Variants in GLIS1 observed in about 807,000 individuals in gnomAD.
GLIS1 encodes zinc finger protein GLIS1.
Under a neutral mutation model 63.8 loss-of-function variants are expected in GLIS1, and 24 were observed. The observed-to-expected ratio is 0.38, with a 90% CI of 0.27 to 0.53. The LOEUF is 0.53. Among genes scored for constraint, GLIS1 ranks in the 20% least tolerant of loss-of-function variants. The pLI, the probability that GLIS1 is intolerant of heterozygous loss-of-function variation, is 0.85. For missense variants in GLIS1, 1,036 were observed against 1,074.1 expected (o/e 0.96, Z 0.50); for synonymous variants, 450 against 482.5 (o/e 0.93, Z 0.88).
At chr1:53,589,059 CT>C (rs1645163489) in intron 4 of GLIS1, among the ~76,000 whole-genome samples, 1 of 152,224 alleles carries the variant, frequency 6.6e-6, no homozygotes, top group Non-Finnish European at 1.5e-5. Context: ...CCTCCTGCCA[CT>C]TGGCAGACTG....
chr1:53,686,677 GTCCAAGA>G (rs1646340163), intron 2 of GLIS1, among the ~76,000 whole-genome samples: 1 of 152,162 alleles, frequency 6.6e-6, no homozygotes, highest in African/African-American at 2.4e-5. Flanking sequence ...ACAGGAAGGA[GTCCAAGA>G]GGGAGCATCT....
intron 7 of GLIS1, among the ~76,000 whole-genome samples, chr1:53,516,398 GGGACGGCAA>G (rs1181514150): frequency 6.6e-6 from 1 of 152,170 alleles, no homozygotes; most frequent in East Asian, 1.9e-4. Flanking sequence ...GGCTGTGGCA[GGGACGGCAA>G]GCTCAGTGCC....
At position 53,506,381 on chromosome 1, in the gene GLIS1, G is replaced by C. The variant is rs562624029; in HGVS notation, c.*238C>G. 2.0e-6 allele frequency: 1 copy of C among 507,590 alleles called. No individual in the cohort carries two copies. The highest frequency in any genetic ancestry group is 3.3e-5 in the Admixed American group (1 of 30,414). 31.4% of individuals were successfully genotyped at this position (507,590 alleles called of 1,614,324 possible). A position where few individuals can be genotyped will look rare whatever the true frequency, so the allele number is the denominator to read the frequency against. On this transcript the variant is annotated 3_prime_UTR_variant, in exon 11 of 11. Coordinates refer to ENST00000628545, the MANE Select transcript of GLIS1 (RefSeq NM_001367484.1). Reference sequence around the variant, plus strand: ...CGGGGAGGAACGGGAAGACAAGATCGAGGGAATGTTACAGGGCCACAGATC... The same window carrying C: ...CGGGGAGGAACGGGAAGACAAGATCCAGGGAATGTTACAGGGCCACAGATC...
intron 2 of GLIS1, among the ~76,000 whole-genome samples, chr1:53,648,053 G>A (rs60128190): frequency 0.018 from 2,668 of 151,994 alleles, 66 homozygotes; most frequent in African/African-American, 0.06. Context: ...GTGCACCTGT[G>A]GTCCCAGCTA....
chr1:53,673,687 A>G (rs1437343415), intron 2 of GLIS1, among the ~76,000 whole-genome samples: 2 of 152,262 alleles, frequency 1.3e-5, no homozygotes, highest in African/African-American at 4.8e-5. Flanking sequence ...GAACAGATGG[A>G]TAGAAAAACA....
chr1:53,726,130 C>T (rs945314910), intron 2 of GLIS1, among the ~76,000 whole-genome samples: 2 of 152,156 alleles, frequency 1.3e-5, no homozygotes, highest in Admixed American at 6.5e-5. Flanking sequence ...GAAGGAAGGA[C>T]GGGTTAATTC....
At chr1:53,521,741 C>A (rs566602852) in intron 6 of GLIS1, among the ~76,000 whole-genome samples, 6 of 152,360 alleles carry the variant, frequency 3.9e-5, no homozygotes, top group Non-Finnish European at 8.8e-5. Flanking sequence ...CCAAGCAAAT[C>A]TTTGGCCAAC....
intron 4 of GLIS1, among the ~76,000 whole-genome samples, chr1:53,538,146 C>T (rs1004943914): frequency 2.6e-5 from 4 of 152,220 alleles, no homozygotes; most frequent in Non-Finnish European, 5.9e-5. Flanking sequence ...GAGTTTGGGG[C>T]TTCGCCAGTC....
At chr1:53,683,247 G>C (rs757943811) in intron 2 of GLIS1, among the ~76,000 whole-genome samples, 5 of 152,182 alleles carry the variant, frequency 3.3e-5, no homozygotes, top group Non-Finnish European at 5.9e-5. Flanking sequence ...CCAATGGCCA[G>C]GTGCTCATCC....
chr1:53,524,684 G>C, intron 6 of GLIS1, 93 bp downstream of exon 6: 1 of 828,902 alleles, frequency 1.2e-6, no homozygotes, highest in Non-Finnish European at 2.1e-6. Context: ...GCGAGTGGGT[G>C]GGCAGATGCA....
chr1:53,514,872 G>A (rs1213431986), intron 7 of GLIS1, 91 bp from the exon 8 acceptor site: 1 of 1,397,344 alleles, frequency 7.2e-7, no homozygotes, highest in East Asian at 2.5e-5. Context: ...TGATGATGGA[G>A]AAATAAAGAC....
chr1:53,736,576 A>G (rs1444240890), intron 2 of GLIS1, among the ~76,000 whole-genome samples: 1 of 152,170 alleles, frequency 6.6e-6, no homozygotes, highest in Non-Finnish European at 1.5e-5. Flanking sequence ...TATTCCAGCA[A>G]TAACACTCAG....
rs542226938 is a variant in GLIS1, at chr1:53,553,899, G to A, written c.1321-23947C>T. On this transcript the variant is annotated intron_variant, in intron 4 of 10. Coordinates refer to ENST00000628545, the MANE Select transcript of GLIS1 (RefSeq NM_001367484.1). ...CCAGGGGCTCTGGAGAGGTGGGGGT[G>A]CTGCAGCTCAGACAGTGTGCCTTGC... Among the ~76,000 whole-genome samples, 68 of 152,326 alleles carry A rather than the reference G, an allele frequency of 4.5e-4. 2 individuals are homozygous for A. In the South Asian group the frequency reaches 0.014, roughly 31 times the overall value.
At chr1:53,578,138 A>G (rs758935089) in intron 4 of GLIS1, among the ~76,000 whole-genome samples, 1 of 152,218 alleles carries the variant, frequency 6.6e-6, no homozygotes, top group Non-Finnish European at 1.5e-5. Context: ...GGACTGCATC[A>G]GTCTCAAGTA....
At chr1:53,736,609 ACTGTAT>A (rs1286386674) in intron 2 of GLIS1, among the ~76,000 whole-genome samples, 1 of 152,100 alleles carries the variant, frequency 6.6e-6, no homozygotes, top group Non-Finnish European at 1.5e-5. Context: ...GCCCCTCCCC[ACTGTAT>A]CTGTCCTTCT....
chr1:53,731,310 T>C (rs898396874), intron 2 of GLIS1, among the ~76,000 whole-genome samples: 1 of 152,206 alleles, frequency 6.6e-6, no homozygotes, highest in African/African-American at 2.4e-5. Context: ...AGAGGAGCAG[T>C]GCCCTACGGA....
chr1:53,546,864 C>A (rs1352647765), intron 4 of GLIS1, among the ~76,000 whole-genome samples: 2 of 152,200 alleles, frequency 1.3e-5, no homozygotes, highest in East Asian at 3.9e-4. Context: ...GCCCTGGGGT[C>A]CCCCACCATG....
At chr1:53,579,019 T>C (rs1008861955) in intron 4 of GLIS1, among the ~76,000 whole-genome samples, 3 of 149,408 alleles carry the variant, frequency 2.0e-5, no homozygotes, top group Non-Finnish European at 2.9e-5. Flanking sequence ...CTACAGTCCA[T>C]GATACTTCTA....
intron 2 of GLIS1, among the ~76,000 whole-genome samples, chr1:53,679,929 A>C (rs1177044144): frequency 1.3e-5 from 2 of 152,160 alleles, no homozygotes; most frequent in Non-Finnish European, 2.9e-5. Flanking sequence ...TGACCTTGGA[A>C]AGGCCACCCC....
Sources: gnomAD v4.1 joint callset for allele counts (sites outside exome capture counted in the v4.1 genomes callset) on GRCh38, gnomAD v4.1.1 for gene constraint, MANE v1.5 for transcripts, NCBI Gene and HGNC (gene_info 2026-07-23, HGNC 2026-07-21) for gene names.